The following LHPP variants were observed in gnomAD, a reference collection of about 807,000 sequenced individuals.
The protein encoded by LHPP is hLHPP.
A neutral mutation model predicts 30.3 loss-of-function variants in LHPP; 24 were observed. The ratio of observed to expected loss-of-function variants is 0.79; its 90% confidence interval spans 0.57 to 1.11. The LOEUF is 1.11. Among genes scored for constraint, LHPP ranks in the 50% most tolerant of loss-of-function variants. The pLI is 0.00. For synonymous variants in LHPP, 150 were observed against 157.1 expected, an observed-to-expected ratio of 0.95 and a Z score of 0.34; for missense variants, 356 against 367.2, an observed-to-expected ratio of 0.97 and a Z score of 0.25.
At chr10:124,539,131 C>A (rs1955112365) in intron 6 of LHPP, among the ~76,000 whole-genome samples, 1 of 152,094 alleles carries the variant, frequency 6.6e-6, no homozygotes, top group Admixed American at 6.5e-5. Flanking sequence ...CCAGAGGACC[C>A]CCAAGTTTTT....
At chr10:124,598,879 C>T (rs1332448890) in intron 6 of LHPP, among the ~76,000 whole-genome samples, 1 of 151,338 alleles carries the variant, frequency 6.6e-6, no homozygotes, top group Admixed American at 6.6e-5. Flanking sequence ...CCATCCCTGT[C>T]CATTCGTCCA....
chr10:124,552,858 G>A (rs558207475), intron 6 of LHPP, among the ~76,000 whole-genome samples: 81 of 152,346 alleles, frequency 5.3e-4, no homozygotes, highest in African/African-American at 1.8e-3. Context: ...TAATTGGAGC[G>A]TAATTGTAAT....
At chr10:124,480,178 T>C (rs1953081345) in intron 1 of LHPP, among the ~76,000 whole-genome samples, 1 of 152,138 alleles carries the variant, frequency 6.6e-6, no homozygotes, top group South Asian at 2.1e-4. Flanking sequence ...TGGTCCCTGG[T>C]GGTCAGAATG....
chr10:124,590,899 C>CA lies in LHPP; in HGVS notation c.717-22364dup, dbSNP rs1464114314. Among the ~76,000 whole-genome samples the CA allele has an allele frequency of 3.9e-5, 6 of 152,356 alleles. No individual in the cohort carries two copies. In the South Asian group the frequency reaches 1.0e-3, roughly 26 times the overall value. On this transcript the variant is annotated intron_variant, in intron 6 of 6. Transcript: ENST00000368842. This position sits in a 1 kb window ranked among gnomAD's most constrained non-coding sequence, Gnocchi z 4.3. ...GGGATGGGACTGTGTCATTGGTAAA[C>CA]ACTGCAACAGGCCTCCTTTCCAGGA... is the stretch of plus-strand genomic sequence containing the variant.
At chr10:124,553,957 T>C in intron 6 of LHPP, 10 of 985,422 alleles carry the variant, frequency 1.0e-5, no homozygotes, top group Non-Finnish European at 1.2e-5. Flanking sequence ...CTGTTGTCCT[T>C]GCGGCACCAT....
intron 6 of LHPP, among the ~76,000 whole-genome samples, chr10:124,557,691 G>T (rs1948326296): frequency 6.6e-6 from 1 of 152,150 alleles, no homozygotes; most frequent in Non-Finnish European, 1.5e-5. Flanking sequence ...TGGTTACCCT[G>T]CTGGTGGGCT....
chr10:124,498,673 T>C (rs1179743797), intron 5 of LHPP: 1 of 541,938 alleles, frequency 1.8e-6, no homozygotes, highest in South Asian at 1.8e-5. Context: ...TTTTTTTTTT[T>C]TTTTTTTTTG....
At chr10:124,540,491 G>A (rs915108797) in intron 6 of LHPP, among the ~76,000 whole-genome samples, 1 of 152,202 alleles carries the variant, frequency 6.6e-6, no homozygotes, top group African/African-American at 2.4e-5. Context: ...TTCCCCGAGC[G>A]CCCTTCACCC....
intron 6 of LHPP, among the ~76,000 whole-genome samples, chr10:124,569,496 C>T (rs973231883): frequency 6.6e-6 from 1 of 152,068 alleles, no homozygotes; most frequent in Non-Finnish European, 1.5e-5. Context: ...GGGAGGGCAG[C>T]GTTTCCAAAG....
intron 6 of LHPP, among the ~76,000 whole-genome samples, chr10:124,571,514 A>G (rs1305412714): frequency 6.6e-6 from 1 of 152,230 alleles, no homozygotes; most frequent in Non-Finnish European, 1.5e-5. Context: ...GGCCCTGCAC[A>G]AGGTGTCCAG....
At chr10:124,609,166 C>T (rs1272976534) in intron 6 of LHPP, among the ~76,000 whole-genome samples, 1 of 152,258 alleles carries the variant, frequency 6.6e-6, no homozygotes. Context: ...CTTCTTTTTA[C>T]ACCCCTTTAA....
At chr10:124,569,374 C>T (rs1374026775) in intron 6 of LHPP, among the ~76,000 whole-genome samples, 4 of 152,180 alleles carry the variant, frequency 2.6e-5, no homozygotes, top group Admixed American at 6.5e-5. Context: ...AGTGGCCCCT[C>T]GGGACAGCCT....
In LHPP at chr10:124,507,897, G is replaced by T. The variant is rs372505216; in HGVS notation, c.625-9283G>T. ...GGGGGTAGGCAGGATTTCAGGTCGG[G>T]GGGGTAGACAGGATTTCAGGTGGGG... On this transcript the variant is annotated intron_variant, in intron 5 of 6. Transcript: ENST00000368842. Among the ~76,000 whole-genome samples, 61 of 107,326 alleles carry T rather than the reference G, an allele frequency of 5.7e-4. 3 individuals carry two copies. Among genetic ancestry groups the T allele is most frequent in the African/African-American group, 1.5e-3 (42 of 28,278 alleles). The allele number at this position is 107,326 out of a possible 152,430, so 70.4% of individuals were successfully genotyped here.
At chr10:124,583,185 A>G (rs182035340) in intron 6 of LHPP, among the ~76,000 whole-genome samples, 3 of 152,280 alleles carry the variant, frequency 2.0e-5, no homozygotes, top group Non-Finnish European at 1.5e-5. Flanking sequence ...CTTGTTGCTT[A>G]TAGTTTTGGT....
At chr10:124,533,834 C>A (rs1350608591) in intron 6 of LHPP, among the ~76,000 whole-genome samples, 1 of 152,214 alleles carries the variant, frequency 6.6e-6, no homozygotes, top group Non-Finnish European at 1.5e-5. Flanking sequence ...CAGGGCCAGA[C>A]CCCAAGTGTG....
chr10:124,542,806 C>T (rs910398326), intron 6 of LHPP, among the ~76,000 whole-genome samples: 38 of 152,222 alleles, frequency 2.5e-4, no homozygotes, highest in African/African-American at 8.9e-4. Flanking sequence ...CTCGCCTCCC[C>T]TCACGTTCAT....
rs568733437 is a variant in LHPP, at chr10:124,547,310, A to T, written c.716+30039A>T. On this transcript the variant is annotated intron_variant, in intron 6 of 6. Coordinates refer to ENST00000368842, the MANE Select transcript of LHPP (RefSeq NM_022126.4). ...TTTCCCCTTTTCATTACAAACAAAA[A>T]AAATTGCTTTCTTAAACTTATTTTC... 1.4e-4 allele frequency among the ~76,000 whole-genome samples: 22 copies of T among 152,362 alleles called. 2 individuals are homozygous for T. In the South Asian group the frequency reaches 4.6e-3, roughly 32 times the overall value.
Position 124,613,485 on chromosome 10 carries a change from C to G in LHPP, c.*125C>G, listed in dbSNP as rs1406393442. 1.5e-6 allele frequency: 1 copy of G among 687,480 alleles called. No individual in the cohort carries two copies. Among genetic ancestry groups the G allele is most frequent in the African/African-American group, 1.8e-5 (1 of 56,992 alleles). 42.6% of individuals were successfully genotyped at this position (687,480 alleles called of 1,614,324 possible). On this transcript the variant is annotated 3_prime_UTR_variant, in exon 7 of 7. Coordinates refer to ENST00000368842, the MANE Select transcript of LHPP (RefSeq NM_022126.4). The stretch of plus-strand genomic sequence containing the variant: ...ACCTCCTCCACCCCTGCCTCTCCTC[C>G]ACCCCTGCCTCCCCTCCACCTGCCC...
intron 6 of LHPP, among the ~76,000 whole-genome samples, chr10:124,568,347 C>T (rs1169011157): frequency 5.3e-5 from 8 of 152,210 alleles, no homozygotes; most frequent in Non-Finnish European, 1.2e-4. Context: ...AGAAGCAGGA[C>T]ATTTCCCACC....
Sources: gnomAD v4.1 joint callset for allele counts (sites outside exome capture counted in the v4.1 genomes callset) on GRCh38, gnomAD v4.1.1 for gene constraint, Gnocchi (gnomAD v3.1) non-coding constraint, MANE v1.5 for transcripts, NCBI Gene and HGNC (gene_info 2026-07-23, HGNC 2026-07-21) for gene names.